ELP4: variants seen among roughly 807,000 people sequenced by gnomAD.
The protein encoded by ELP4 is elongator acetyltransferase complex subunit 4.
A neutral mutation model predicts 48.9 loss-of-function variants in ELP4; 51 were observed. The ratio of observed to expected loss-of-function variants is 1.04; its 90% confidence interval spans 0.83 to 1.32. The LOEUF is 1.32. Ranked by LOEUF, ELP4 falls within the 40% of genes most tolerant of loss-of-function variation. The probability of loss-of-function intolerance (pLI) is 0.00; values close to 1 mark genes in which losing one functional copy is unlikely to be tolerated. For missense variants in ELP4, 519 were observed against 514.6 expected, an observed-to-expected ratio of 1.01 and a Z score of -0.08; for synonymous variants, 210 against 189.2, an observed-to-expected ratio of 1.11 and a Z score of -0.90.
chr11:31,775,685 G>A (rs985925719), intron 9 of ELP4, among the ~76,000 whole-genome samples: 1 of 152,052 alleles, frequency 6.6e-6, no homozygotes, highest in East Asian at 1.9e-4. Context: ...AAAGCTTAAA[G>A]GCCAGGTGCG....
chr11:31,641,514 CA>C (rs1290721885), intron 7 of ELP4, among the ~76,000 whole-genome samples: 2 of 151,594 alleles, frequency 1.3e-5, no homozygotes, highest in Non-Finnish European at 2.9e-5. Flanking sequence ...ATATTTTTGC[CA>C]AATTGATCTG....
At position 31,709,580 on chromosome 11, in the gene ELP4, T is replaced by C. The variant is rs1248803703; in HGVS notation, c.1143+59359T>C. ...CCTCAGTATCTGCGGACTTGGATTT[T>C]AGTCCCAACTCTGCCATTTACTAAT... is the stretch of plus-strand genomic sequence containing the variant. On this transcript the variant is annotated intron_variant, in intron 9 of 9. Transcript: ENST00000640961. Among the ~76,000 whole-genome samples the C allele has an allele frequency of 2.0e-5, 3 of 152,192 alleles. No homozygotes were observed. In the East Asian group the frequency reaches 5.8e-4, roughly 29 times the overall value.
chr11:31,709,960 C>T (rs972956626), intron 9 of ELP4, among the ~76,000 whole-genome samples: 3 of 152,276 alleles, frequency 2.0e-5, no homozygotes, highest in Admixed American at 6.5e-5. Flanking sequence ...TACATGTGCA[C>T]ACCCCCTCAG....
intron 1 of ELP4, among the ~76,000 whole-genome samples, chr11:31,517,835 G>T (rs899527981): frequency 6.6e-6 from 1 of 151,676 alleles, no homozygotes; most frequent in Non-Finnish European, 1.5e-5. Flanking sequence ...GGCCAGGCTG[G>T]TCTCGAGCTC....
chr11:31,661,329 G>A (rs1246030563), intron 9 of ELP4, among the ~76,000 whole-genome samples: 3 of 152,002 alleles, frequency 2.0e-5, no homozygotes, highest in African/African-American at 4.8e-5. Flanking sequence ...AAGGCCAAAG[G>A]CCAATCATGA....
chr11:31,690,239 A>G (rs1946248643), intron 9 of ELP4, among the ~76,000 whole-genome samples: 1 of 152,144 alleles, frequency 6.6e-6, no homozygotes, highest in Non-Finnish European at 1.5e-5. Context: ...ACCTCATTCT[A>G]CTAGCTAAAT....
chr11:31,748,673 T>G (rs946443897), intron 9 of ELP4, among the ~76,000 whole-genome samples: 3 of 152,130 alleles, frequency 2.0e-5, no homozygotes, highest in Non-Finnish European at 2.9e-5. Context: ...TGAGCTTACA[T>G]TATAATATGA....
chr11:31,734,269 A>G (rs143818953), intron 9 of ELP4, among the ~76,000 whole-genome samples: 2,177 of 152,348 alleles, frequency 0.014, 31 homozygotes, highest in Non-Finnish European at 0.021. Flanking sequence ...CTGTATGGTG[A>G]AAAACTGAAA....
rs1461947379 is a variant in ELP4, at chr11:31,650,204, A to AAGCT, written c.1128_1131dup (p.Phe378AlafsTer5). On this transcript the variant is annotated frameshift_variant, in exon 9 of 10. Transcript: ENST00000640961. LOFTEE classifies it high-confidence loss of function. The stretch of plus-strand genomic sequence containing the variant: ...AGACTTAGCTTTTAAATTAAAAAGG[A>AAGCT]AGCTATTCACCATTGAGGTAAGAGA... 1.5e-6 allele frequency: 2 copies of AAGCT among 1,358,746 alleles called. No individual in the cohort carries two copies. The highest frequency in any genetic ancestry group is 4.7e-5 in the East Asian group (2 of 42,968). The allele number at this position is 1,358,746 out of a possible 1,614,324, so 84.2% of individuals were successfully genotyped here. A position where few individuals can be genotyped will look rare whatever the true frequency, so the allele number is the denominator to read the frequency against.
intron 9 of ELP4, among the ~76,000 whole-genome samples, chr11:31,761,435 G>A (rs1268181074): frequency 1.3e-5 from 2 of 152,018 alleles, no homozygotes; most frequent in East Asian, 3.8e-4. Flanking sequence ...TTTTAAGTTG[G>A]AGGAATGGAA....
chr11:31,576,658 T>C (rs942305704), intron 3 of ELP4, among the ~76,000 whole-genome samples: 10 of 152,060 alleles, frequency 6.6e-5, no homozygotes, highest in Non-Finnish European at 1.3e-4. Flanking sequence ...CACTCAACTG[T>C]ATGGAAACTG....
intron 9 of ELP4, among the ~76,000 whole-genome samples, chr11:31,735,899 C>A (rs1458412476): frequency 6.6e-6 from 1 of 152,110 alleles, no homozygotes; most frequent in Non-Finnish European, 1.5e-5. Context: ...GGCCATACTT[C>A]CCAAGGTAAT....
intron 9 of ELP4, among the ~76,000 whole-genome samples, chr11:31,673,317 TTTTG>T (rs966917368): frequency 2.7e-5 from 4 of 150,486 alleles, no homozygotes; most frequent in Admixed American, 6.6e-5. Context: ...GTGGGTTGTT[TTTTG>T]TTTGTTTGTT....
chr11:31,589,235 C>T (rs1170727611), intron 3 of ELP4, among the ~76,000 whole-genome samples: 6 of 152,190 alleles, frequency 3.9e-5, no homozygotes, highest in South Asian at 2.1e-4. Context: ...GTACTTCTTA[C>T]GGTGCTCATT....
intron 9 of ELP4, among the ~76,000 whole-genome samples, chr11:31,778,701 T>A (rs796991241): frequency 1.3e-5 from 2 of 152,310 alleles, no homozygotes; most frequent in African/African-American, 4.8e-5. Context: ...TTTTCTGAGG[T>A]TACGTGGAGA....
In ELP4 at chr11:31,781,055, G is replaced by A. The variant is rs78511228; in HGVS notation, c.1144-2338G>A. The stretch of plus-strand genomic sequence containing the variant: ...ACCTAACTTGGAGTGTTCCCTGTGA[G>A]GGTTACCTATGTGCTTGCCTTATTC... On this transcript the variant is annotated intron_variant, in intron 9 of 9. Coordinates refer to ENST00000640961, the MANE Select transcript of ELP4 (RefSeq NM_019040.5). 7.2e-3 allele frequency among the ~76,000 whole-genome samples: 1,098 copies of A among 152,262 alleles called. 10 individuals carry two copies. Among genetic ancestry groups the A allele is most frequent in the Non-Finnish European group, 0.012 (831 of 68,012 alleles).
chr11:31,761,598 A>G (rs1191336004), intron 9 of ELP4, among the ~76,000 whole-genome samples: 1 of 152,232 alleles, frequency 6.6e-6, no homozygotes, highest in Non-Finnish European at 1.5e-5. Flanking sequence ...CATGGGCAAT[A>G]AAGGATAGGG....
intron 3 of ELP4, among the ~76,000 whole-genome samples, chr11:31,543,117 G>GA (rs907560374): frequency 6.6e-6 from 1 of 151,784 alleles, no homozygotes; most frequent in African/African-American, 2.4e-5. Flanking sequence ...ATAGACTGGG[G>GA]AAAAAAAAGA....
intron 9 of ELP4, chr11:31,681,931 G>A: frequency 2.4e-6 from 1 of 412,852 alleles, no homozygotes; most frequent in South Asian, 2.0e-5. Flanking sequence ...AGTAGAGATG[G>A]GGTTCCACCA....
Sources: gnomAD v4.1 joint callset for allele counts (sites outside exome capture counted in the v4.1 genomes callset) on GRCh38, gnomAD v4.1.1 for gene constraint, MANE v1.5 for transcripts, NCBI Gene and HGNC (gene_info 2026-07-23, HGNC 2026-07-21) for gene names.